The following ADGRA1 variants were observed in gnomAD, a reference collection of about 807,000 sequenced individuals.
ADGRA1 encodes the protein G-protein coupled receptor 123.
A neutral mutation model predicts 21.3 loss-of-function variants in ADGRA1; 12 were observed. The ratio of observed to expected loss-of-function variants is 0.56; its 90% CI spans 0.36 to 0.91. The LOEUF (loss-of-function observed/expected upper bound fraction) is 0.91. Among genes scored for constraint, ADGRA1 ranks in the 40% least tolerant of loss-of-function variants. The pLI is 0.01. For missense variants in ADGRA1, 790 were observed against 805.6 expected (o/e 0.98, Z 0.23); for synonymous variants, 385 against 368.8 (o/e 1.04, Z -0.50).
chr10:133,103,344 G>A (rs1046430179), intron 5 of ADGRA1, among the ~76,000 whole-genome samples: 8 of 152,322 alleles, frequency 5.3e-5, no homozygotes, highest in African/African-American at 1.4e-4. Context: ...GACTGTCAGC[G>A]GGTGGAAAAC....
In ADGRA1 at chr10:133,129,664, T is replaced by TTCCTTGTGATCACACCCCTGCCCCG; in HGVS notation, c.*177_*178insGTCCTTGTGATCACACCCCTGCCCC. On this transcript the variant is annotated 3_prime_UTR_variant, in exon 7 of 7. Coordinates refer to ENST00000392607, the MANE Select transcript of ADGRA1 (RefSeq NM_001083909.3). Reference sequence around the variant, plus strand: ...TTCCTTGTGATCACACCCCTGCCCCTTCCTTGTGATCACACCCCTGCCCCT... The same window carrying TTCCTTGTGATCACACCCCTGCCCCG: ...TTCCTTGTGATCACACCCCTGCCCCTTCCTTGTGATCACACCCCTGCCCCGTCCTTGTGATCACACCCCTGCCCCT... 2.7e-6 allele frequency: 1 copy of TTCCTTGTGATCACACCCCTGCCCCG among 363,752 alleles called. No homozygotes were observed. The highest frequency in any genetic ancestry group is 5.1e-6 in the Non-Finnish European group (1 of 194,554). 22.5% of individuals were successfully genotyped at this position (363,752 alleles called of 1,614,324 possible).
intron 3 of ADGRA1, 86 bp from the exon 4 acceptor site, chr10:133,098,553 AC>A: frequency 6.7e-7 from 1 of 1,502,904 alleles, no homozygotes; most frequent in Non-Finnish European, 8.9e-7. Flanking sequence ...CTTCCCGGGG[AC>A]AGAGCCTGCG....
intron 4 of ADGRA1, among the ~76,000 whole-genome samples, chr10:133,100,972 G>A (rs984922318): frequency 1.3e-5 from 2 of 152,224 alleles, no homozygotes; most frequent in African/African-American, 2.4e-5. Context: ...ACAAGGCGAC[G>A]TTCTCCGAGC....
chr10:133,124,002 G>A (rs939721007), intron 5 of ADGRA1, among the ~76,000 whole-genome samples: 26 of 152,270 alleles, frequency 1.7e-4, no homozygotes, highest in African/African-American at 9.6e-5. Flanking sequence ...TTACTCAGCC[G>A]ACATAGGACC....
chr10:133,121,737 G>T (rs1436202664), intron 5 of ADGRA1, among the ~76,000 whole-genome samples: 1 of 150,486 alleles, frequency 6.6e-6, no homozygotes, highest in Non-Finnish European at 1.5e-5. Context: ...GTGCTTGTGT[G>T]TGTGGTGTGT....
At chr10:133,118,840 C>A (rs1041635564) in intron 5 of ADGRA1, among the ~76,000 whole-genome samples, 1 of 151,958 alleles carries the variant, frequency 6.6e-6, no homozygotes, top group Admixed American at 6.5e-5. Context: ...TGAACCTGTA[C>A]CACCTCTTCA....
At chr10:133,124,925 C>G (rs1375433160) in intron 5 of ADGRA1, among the ~76,000 whole-genome samples, 2 of 152,228 alleles carry the variant, frequency 1.3e-5, no homozygotes, top group African/African-American at 4.8e-5. Context: ...CTCCCGCGCC[C>G]TCTGCCGGCT....
At chr10:133,110,068 C>A (rs1327007705) in intron 5 of ADGRA1, among the ~76,000 whole-genome samples, 2 of 152,218 alleles carry the variant, frequency 1.3e-5, no homozygotes, top group Middle Eastern at 6.3e-3. Flanking sequence ...TGGTTTGTCT[C>A]CACAGAAGGA....
intron 2 of ADGRA1, among the ~76,000 whole-genome samples, chr10:133,091,504 G>A (rs1410475268): frequency 1.3e-5 from 2 of 152,244 alleles, no homozygotes; most frequent in African/African-American, 4.8e-5. Context: ...TTCAGGCCCT[G>A]TGCCGATGGC....
At position 133,111,954 on chromosome 10, in the gene ADGRA1, T is replaced by TCCTAATCCCA. The variant is rs1852031311; in HGVS notation, c.401+9114_401+9115insTAATCCCACC. Among the ~76,000 whole-genome samples, 2 of 19,212 alleles carry TCCTAATCCCA rather than the reference T, an allele frequency of 1.0e-4. 1 individual carries two copies. Among genetic ancestry groups the TCCTAATCCCA allele is most frequent in the African/African-American group, 7.4e-4 (2 of 2,710 alleles). 12.6% of individuals were successfully genotyped at this position (19,212 alleles called of 152,430 possible). On this transcript the variant is annotated intron_variant, in intron 5 of 6. Coordinates refer to ENST00000392607, the MANE Select transcript of ADGRA1 (RefSeq NM_001083909.3). ...CCGTGAGCACCTCCCTCCTAATCCC[T>TCCTAATCCCA]CCAGACCACCTGCCCACCACAGGCA...
intron 2 of ADGRA1, among the ~76,000 whole-genome samples, chr10:133,092,381 G>A (rs1001948281): frequency 8.5e-5 from 13 of 152,254 alleles, no homozygotes; most frequent in Non-Finnish European, 1.8e-4. Context: ...GAAAGAAAGC[G>A]TCTATGATAT....
chr10:133,128,372 C>A lies in ADGRA1; in HGVS notation c.544C>A (p.Pro182Thr). The change falls in exon 7 of 7, where the codon CCA becomes ACA. Residue 182 changes from proline (P) to threonine (T), a missense_variant. Pro to Thr is a conservative substitution (Grantham distance 38). This residue lies in a region of ADGRA1 where 382 missense variants were observed against 415.6 expected (regional missense o/e 0.92). Coordinates refer to ENST00000392607, the MANE Select transcript of ADGRA1 (RefSeq NM_001083909.3). ...WEPSLGAFYG[P>T]AAIITLVTCV... ...GCCCAGCCTGGGCGCCTTCTACGGC[C>A]CAGCCGCCATCATCACCCTGGTCAC... The A allele has an allele frequency of 6.3e-7, 1 of 1,582,428 alleles. No homozygotes were observed.
At chr10:133,093,470 C>T (rs1040818141) in intron 2 of ADGRA1, among the ~76,000 whole-genome samples, 1 of 152,216 alleles carries the variant, frequency 6.6e-6, no homozygotes, top group Non-Finnish European at 1.5e-5. Context: ...GTCCCACGCA[C>T]GCCGGGCTCA....
rs1304797878 is a variant in ADGRA1, at chr10:133,128,564, C to A, written c.736C>A (p.Leu246Met). The change falls in exon 7 of 7, where the codon CTG (leucine) becomes ATG (methionine). Residue 246 changes from leucine (L) to methionine (M), a missense_variant. Leu to Met is a conservative substitution (Grantham distance 15). Transcript: ENST00000392607. ...ACACGATGCCCCCGGCGCCTCCGTG[C>A]TGCAGAACGAGCACTCATTCCAGGC... is the stretch of plus-strand genomic sequence containing the variant. ...PAHDAPGASVLQNEHSFQAQL... is the reference protein window; with the variant it reads ...PAHDAPGASVMQNEHSFQAQL... The A allele has an allele frequency of 6.4e-7, 1 of 1,570,334 alleles. No individual in the cohort carries two copies. Among genetic ancestry groups the A allele is most frequent in the Non-Finnish European group, 8.6e-7 (1 of 1,159,986 alleles).
At chr10:133,101,765 G>A (rs1371837122) in intron 4 of ADGRA1, among the ~76,000 whole-genome samples, 1 of 152,196 alleles carries the variant, frequency 6.6e-6, no homozygotes, top group Non-Finnish European at 1.5e-5. Context: ...CACACTCAGT[G>A]GCCAGGCCGG....
chr10:133,101,315 G>A (rs1368668759), intron 4 of ADGRA1, among the ~76,000 whole-genome samples: 2 of 152,224 alleles, frequency 1.3e-5, no homozygotes, highest in Non-Finnish European at 2.9e-5. Flanking sequence ...TGGAGAGGAC[G>A]GACTGTTGCT....
chr10:133,129,601 T>G lies in ADGRA1; in HGVS notation c.*90T>G. 1 of 1,128,336 alleles carries G rather than the reference T, an allele frequency of 8.9e-7. No homozygotes were observed. The highest frequency in any genetic ancestry group is 1.2e-6 in the Non-Finnish European group (1 of 820,288). The allele number at this position is 1,128,336 out of a possible 1,614,324, so 69.9% of individuals were successfully genotyped here. On this transcript the variant is annotated 3_prime_UTR_variant, in exon 7 of 7. Coordinates refer to ENST00000392607, the MANE Select transcript of ADGRA1 (RefSeq NM_001083909.3). ...CATGAGGTCACTGGGGGTACCGAAG[T>G]GACCCCGCCTTTCAGAAGCCGTTCA... is the stretch of plus-strand genomic sequence containing the variant.
rs1330249796 is a variant in ADGRA1, at chr10:133,130,815, GCACACACA to G, written c.*1306_*1313del. On this transcript the variant is annotated 3_prime_UTR_variant, in exon 7 of 7. Coordinates refer to ENST00000392607, the MANE Select transcript of ADGRA1 (RefSeq NM_001083909.3). ...ACACAAACGTGCATATCACACACAC[GCACACACA>G]CCCAAACACGTGCATATCACACACA... 1 of 139,760 alleles carries G rather than the reference GCACACACA, an allele frequency of 7.2e-6. No individual in the cohort carries two copies. Among genetic ancestry groups the G allele is most frequent in the African/African-American group, 2.7e-5 (1 of 37,018 alleles). 8.7% of individuals were successfully genotyped at this position (139,760 alleles called of 1,614,324 possible). A position where few individuals can be genotyped will look rare whatever the true frequency, so the allele number is the denominator to read the frequency against.
Position 133,129,091 on chromosome 10 carries a change from TA to T in ADGRA1, c.1265del (p.Lys422SerfsTer115). The T allele has an allele frequency of 6.5e-7, 1 of 1,549,920 alleles. No individual in the cohort carries two copies. The highest frequency in any genetic ancestry group is 8.7e-7 in the Non-Finnish European group (1 of 1,145,292). ...TGCACGGGTGCCTTCAGGGCAGAAC[TA>T]AGCCGCCCTACTTTAGCCGGCACCC... The part of the protein sequence containing the change: ...HLHGCLQGRT[K>X]PPYFSRHPAE... On this transcript the variant is annotated frameshift_variant, in exon 7 of 7. Coordinates refer to ENST00000392607, the MANE Select transcript of ADGRA1 (RefSeq NM_001083909.3). LOFTEE classifies it low-confidence loss of function (END_TRUNC).
Sources: gnomAD v4.1 joint callset for allele counts (sites outside exome capture counted in the v4.1 genomes callset) on GRCh38, gnomAD v4.1.1 for gene constraint, gnomAD v4.1.1 regional missense constraint, MANE v1.5 for transcripts, NCBI Gene and HGNC (gene_info 2026-07-23, HGNC 2026-07-21) for gene names.